The following SMTN variants were observed in gnomAD, a reference collection of about 807,000 sequenced individuals.
The protein encoded by SMTN is smoothelin.
In SMTN, 58 loss-of-function variants were observed where a neutral mutation model predicts 102.0. That is an observed-to-expected ratio of 0.57 (90% CI 0.46 to 0.71). SMTN has a LOEUF of 0.71. SMTN is among the 30% of genes least tolerant of loss of function. The pLI is 0.00. For missense variants in SMTN, 1,185 were observed against 1,241.7 expected, an observed-to-expected ratio of 0.95 and a Z score of 0.69; for synonymous variants, 478 against 497.9, an observed-to-expected ratio of 0.96 and a Z score of 0.53.
intron 11 of SMTN, chr22:31,093,330 A>C: frequency 6.5e-6 from 2 of 307,316 alleles, no homozygotes; most frequent in Non-Finnish European, 1.3e-5. Flanking sequence ...GGGGCGGGGC[A>C]GGCCCGCTGC....
chr22:31,098,230 G>A (rs987510607), intron 16 of SMTN, among the ~76,000 whole-genome samples: 1 of 152,170 alleles, frequency 6.6e-6, no homozygotes, highest in Non-Finnish European at 1.5e-5. Context: ...TACTGCCAGA[G>A]GTCTCAGTTT....
rs2043360613 is a variant in SMTN, at chr22:31,094,000, T to C, written c.1633-1303T>C. 9 of 709,486 alleles carry C rather than the reference T, an allele frequency of 1.3e-5. No individual in the cohort carries two copies. The South Asian group carries it at 1.7e-4, about 13-fold the overall frequency. 43.9% of individuals were successfully genotyped at this position (709,486 alleles called of 1,614,324 possible). On this transcript the variant is annotated intron_variant, in intron 11 of 20. Transcript: ENST00000333137. ...CTATCTTGACAGGGGACTGGGGCACTAGTGCTCTAAGACTAGGGCAAGAGG... is the reference window on the plus strand; with the variant it reads ...CTATCTTGACAGGGGACTGGGGCACCAGTGCTCTAAGACTAGGGCAAGAGG...
chr22:31,085,338 A>G (rs1313642651), intron 2 of SMTN: 1 of 1,442,260 alleles, frequency 6.9e-7, no homozygotes, highest in Admixed American at 2.3e-5. Context: ...CGGTCGCAGA[A>G]CCTGCGGGCC....
chr22:31,094,736 C>A (rs1347635527), intron 11 of SMTN, among the ~76,000 whole-genome samples: 1 of 150,914 alleles, frequency 6.6e-6, no homozygotes, highest in Non-Finnish European at 1.5e-5. Context: ...GACTGGAGTG[C>A]AGCTGCATGA....
At chr22:31,064,744 A>C (rs1191956785) in intron 1 of SMTN, 1 of 152,200 alleles carries the variant, frequency 6.6e-6, no homozygotes, top group Non-Finnish European at 1.5e-5. Context: ...TTTTAGACTT[A>C]CAGAAACGTT....
chr22:31,102,352 T>G (rs1353066054), intron 20 of SMTN: 1 of 152,174 alleles, frequency 6.6e-6, no homozygotes, highest in Non-Finnish European at 1.5e-5. Context: ...CCCATCACTG[T>G]GTTCCCGCCC....
At chr22:31,088,303 G>A (rs541336096) in intron 3 of SMTN, 190 bp downstream of exon 3, 375 of 824,692 alleles carry the variant, frequency 4.5e-4, no homozygotes, top group African/African-American at 1.4e-3. Context: ...GTGGCGTCGC[G>A]GCCGTGCTGA....
At position 31,098,908 on chromosome 22, in the gene SMTN, T is replaced by C. The variant is rs1307830991; in HGVS notation, c.2333+68T>C. 6 of 1,550,160 alleles carry C rather than the reference T, an allele frequency of 3.9e-6. No individual in the cohort carries two copies. The East Asian group carries it at 1.1e-4, about 29-fold the overall frequency. On this transcript the variant is annotated intron_variant, in intron 17 of 20. Coordinates refer to ENST00000333137, the MANE Select transcript of SMTN (RefSeq NM_134269.3). ...ATAGGCAGTGGGGGGCGGGGCTTGA[T>C]AGTTGGCCCGGCAGAGGCGGGAAGA... is the stretch of plus-strand genomic sequence containing the variant.
chr22:31,098,733 G>A lies in SMTN; in HGVS notation c.2226G>A (p.Gln742=), dbSNP rs2147790890. Residue 742 remains glutamine (Q), a synonymous_variant, in exon 17 of 21, where the codon CAG becomes CAA. Transcript: ENST00000333137. ...AGSLAALEKR[Q]AEKKKELMKA... ...GCCTGGCGGCGCTCGAGAAACGGCA[G>A]GCCGAGAAGAAGAAAGAGCTGATGA... 1 of 1,613,418 alleles carries A rather than the reference G, an allele frequency of 6.2e-7. No homozygotes were observed. The highest frequency in any genetic ancestry group is 8.5e-7 in the Non-Finnish European group (1 of 1,179,918).
chr22:31,097,148 A>G (rs2043659680), intron 15 of SMTN, 88 bp downstream of exon 15: 1 of 1,507,060 alleles, frequency 6.6e-7, no homozygotes, highest in African/African-American at 1.4e-5. Flanking sequence ...CGTGTCTTCA[A>G]CTGTGCCGTC....
At chr22:31,101,079 C>A in intron 20 of SMTN, 30 bp downstream of exon 20, 1 of 1,561,874 alleles carries the variant, frequency 6.4e-7, no homozygotes, top group Non-Finnish European at 8.7e-7. Context: ...CCACCTGCCC[C>A]GTTTCACCAG....
At chr22:31,076,336 C>T (rs16989310), upstream of SMTN, among the ~76,000 whole-genome samples, 12,820 of 152,246 alleles carry the variant, frequency 0.084, 1,797 homozygotes, top group African/African-American at 0.29. Context: ...GGCAAAGGAG[C>T]CATCCACCCC....
At chr22:31,084,582 G>C (rs1000878417) in intron 2 of SMTN, among the ~76,000 whole-genome samples, 1 of 152,244 alleles carries the variant, frequency 6.6e-6, no homozygotes, top group Non-Finnish European at 1.5e-5. Flanking sequence ...CCCAGTGGGG[G>C]TCGTAGAGGC....
At chr22:31,081,726 G>A (rs1012988949) in intron 1 of SMTN, among the ~76,000 whole-genome samples, 55 of 152,308 alleles carry the variant, frequency 3.6e-4, no homozygotes, top group Non-Finnish European at 1.5e-4. Flanking sequence ...CACAATGTCC[G>A]GCGACCCCAG....
In SMTN at chr22:31,090,790, C is replaced by T. The variant is rs577607168; in HGVS notation, c.866-18C>T. On this transcript the variant is annotated intron_variant, in intron 8 of 20. Coordinates refer to ENST00000333137, the MANE Select transcript of SMTN (RefSeq NM_134269.3). ...TCTCTTTCCCCACATGGCCATCACC[C>T]CCTCCCCAACCTGCCAGACGTGGCT... 2.0e-5 allele frequency: 32 copies of T among 1,604,046 alleles called. No individual in the cohort carries two copies. In the African/African-American group the frequency reaches 3.6e-4, roughly 18 times the overall value.
Position 31,090,126 on chromosome 22 carries a change from G to C in SMTN, c.811G>C (p.Glu271Gln). 1.2e-6 allele frequency: 2 copies of C among 1,612,748 alleles called. No homozygotes were observed. Among genetic ancestry groups the C allele is most frequent in the Non-Finnish European group, 1.7e-6 (2 of 1,179,338 alleles). ...VVNKLLSGPK[E>Q]TPAAQSPTRG... is the part of the protein sequence containing the mutation. ...CTTGCAGCTTCTGTCTGGCCCCAAA[G>C]AGACCCCTGCTGCCCAGAGCCCCAC... Residue 271 changes from glutamate to glutamine, a missense_variant, in exon 8 of 21, where the codon GAG (glutamate) becomes CAG (glutamine). Transcript: ENST00000333137.
At chr22:31,098,867 TG>T (rs752217888) in intron 17 of SMTN, 27 bp downstream of exon 17, 3 of 1,276,422 alleles carry the variant, frequency 2.4e-6, no homozygotes, top group Non-Finnish European at 2.2e-6. Context: ...GGCTGGGCAG[TG>T]GGGGGCGGGG....
chr22:31,076,403 G>T (rs190658440), upstream of SMTN, among the ~76,000 whole-genome samples: 106 of 152,344 alleles, frequency 7.0e-4, 2 homozygotes, highest in East Asian at 0.015. Context: ...TGAGGGGGAA[G>T]GGCCTATATA....
At chr22:31,084,889 C>G in intron 2 of SMTN, 1 of 1,181,716 alleles carries the variant, frequency 8.5e-7, no homozygotes, top group Non-Finnish European at 1.1e-6. Flanking sequence ...CCGGCCCGGC[C>G]CCCGCTGGCC....
Sources: gnomAD v4.1 joint callset for allele counts (sites outside exome capture counted in the v4.1 genomes callset) on GRCh38, gnomAD v4.1.1 for gene constraint, MANE v1.5 for transcripts, NCBI Gene and HGNC (gene_info 2026-07-23, HGNC 2026-07-21) for gene names.